Variants in C1QTNF12 observed in about 807,000 individuals in gnomAD.
C1QTNF12 encodes the protein C1q and TNF related 12.
C1QTNF12 carries 39 observed loss-of-function variants against 34.3 expected under a neutral mutation model. That is an observed-to-expected ratio of 1.14 (90% CI 0.88 to 1.49). The LOEUF is 1.49. Among genes scored for constraint, C1QTNF12 ranks in the 40% most tolerant of loss-of-function variants. The probability of loss-of-function intolerance (pLI) is 0.00; values close to 1 mark genes in which losing one functional copy is unlikely to be tolerated. For missense variants in C1QTNF12, 497 were observed against 424.7 expected (o/e 1.17, Z -1.50); for synonymous variants, 220 against 196.9 (o/e 1.12, Z -0.98).
rs1638896313 is a variant in C1QTNF12 at position 1,246,551 on chromosome 1, C to CTG, written c.138_139dup (p.Ser47ThrfsTer28). 1 of 1,239,962 alleles carries CTG rather than the reference C, an allele frequency of 8.1e-7. No individual in the cohort carries two copies. 76.8% of individuals were successfully genotyped at this position (1,239,962 alleles called of 1,614,324 possible). On this transcript the variant is annotated frameshift_variant, in exon 1 of 8. Coordinates refer to ENST00000330388, the MANE Select transcript of C1QTNF12 (RefSeq NM_001014980.3). LOFTEE classifies it high-confidence loss of function. This position sits in a 1 kb window ranked among gnomAD's most constrained non-coding sequence, Gnocchi z 4.5. ...GGGCAGCCCCTCGCGGGAGGACGCG[C>CTG]TGGCGGTGGCGTTGGGGGGATCTGC...
intron 5 of C1QTNF12, 94 bp downstream of exon 5, chr1:1,243,350 C>G: frequency 1.6e-6 from 2 of 1,242,478 alleles, no homozygotes; most frequent in South Asian, 1.4e-5. Flanking sequence ...AGGTCCCTAA[C>G]AGGACCCGCA....
At chr1:1,245,840 G>A (rs554478179) in intron 1 of C1QTNF12, among the ~76,000 whole-genome samples, 4 of 152,312 alleles carry the variant, frequency 2.6e-5, no homozygotes, top group South Asian at 4.1e-4. Flanking sequence ...GGGGATGGGG[G>A]CTGCTCTGGC....
Position 1,246,376 on chromosome 1 carries a change from G to A in C1QTNF12, c.177+138C>T, listed in dbSNP as rs1638891195. 1 of 676,262 alleles carries A rather than the reference G, an allele frequency of 1.5e-6. No individual in the cohort carries two copies. The highest frequency in any genetic ancestry group is 2.1e-6 in the Non-Finnish European group (1 of 482,476). The allele number at this position is 676,262 out of a possible 1,614,324, so 41.9% of individuals were successfully genotyped here. A position where few individuals can be genotyped will look rare whatever the true frequency, so the allele number is the denominator to read the frequency against. On this transcript the variant is annotated intron_variant, in intron 1 of 7. Coordinates refer to ENST00000330388, the MANE Select transcript of C1QTNF12 (RefSeq NM_001014980.3). The surrounding 1 kb of genome is among the most constrained non-coding windows in gnomAD (Gnocchi z 4.5). ...GGCTGGGCTGCAGCAGATTCTCAAGGCGGGACCGTGGCCGAGGCCTCGAAA... is the reference window on the plus strand; with the variant it reads ...GGCTGGGCTGCAGCAGATTCTCAAGACGGGACCGTGGCCGAGGCCTCGAAA...
At position 1,244,106 on chromosome 1, in the gene C1QTNF12, C is replaced by T. The variant is rs530071129; in HGVS notation, c.380-1G>A. 1 of 1,577,162 alleles carries T rather than the reference C, an allele frequency of 6.3e-7. No homozygotes were observed. Among genetic ancestry groups the T allele is most frequent in the South Asian group, 1.2e-5 (1 of 85,416 alleles). ...CCTGAGAACCGGCGCTCCGTGGCCT[C>T]TGTGGGGAGGAGGGCACAGGCGGCC... On this transcript the variant is annotated splice_acceptor_variant, in intron 3 of 7. Coordinates refer to ENST00000330388, the MANE Select transcript of C1QTNF12 (RefSeq NM_001014980.3). LOFTEE classifies it high-confidence loss of function.
Position 1,246,559 on chromosome 1 carries a change from G to A in C1QTNF12, c.132C>T (p.Ala44=). The A allele has an allele frequency of 8.1e-7, 1 of 1,241,780 alleles. No homozygotes were observed. Among genetic ancestry groups the A allele is most frequent in the Non-Finnish European group, 1.0e-6 (1 of 992,784 alleles). 76.9% of individuals were successfully genotyped at this position (1,241,780 alleles called of 1,614,324 possible). Residue 44 remains alanine (A), a synonymous_variant, in exon 1 of 8, where the codon GCC becomes GCT. Coordinates refer to ENST00000330388, the MANE Select transcript of C1QTNF12 (RefSeq NM_001014980.3). The surrounding 1 kb of genome is among the most constrained non-coding windows in gnomAD (Gnocchi z 4.5). ...QPGQRADPPN[A]TASASSREGL... ...CCTCGCGGGAGGACGCGCTGGCGGTGGCGTTGGGGGGATCTGCGCGCTGGC... is the reference window on the plus strand; with the variant it reads ...CCTCGCGGGAGGACGCGCTGGCGGTAGCGTTGGGGGGATCTGCGCGCTGGC...
chr1:1,242,974 TCCAGTGCCCAGAGACC>T, intron 6 of C1QTNF12, 61 bp from the exon 7 acceptor site: 1 of 1,574,044 alleles, frequency 6.4e-7, no homozygotes, highest in South Asian at 1.1e-5. Context: ...CAAGACCTGC[TCCAGTGCCCAGAGACC>T]CCTGTGGCCT....
rs568139852 is a variant in C1QTNF12 at position 1,245,929 on chromosome 1, T to G, written c.177+585A>C. ...CCCTCCAAGACCCCTGGAGAGACCC[T>G]GAGCAGGAGAGAGGAAGCCCAGGGT... On this transcript the variant is annotated intron_variant, in intron 1 of 7. Coordinates refer to ENST00000330388, the MANE Select transcript of C1QTNF12 (RefSeq NM_001014980.3). Among the ~76,000 whole-genome samples, 77 of 152,304 alleles carry G rather than the reference T, an allele frequency of 5.1e-4. 1 individual carries two copies. In the East Asian group the frequency reaches 0.012, roughly 24 times the overall value.
Position 1,242,623 on chromosome 1 carries a change from A to G in C1QTNF12, c.834T>C (p.Phe278=). The change falls in exon 8 of 8, where the codon TTT becomes TTC. Residue 278 remains phenylalanine, a synonymous_variant. Transcript: ENST00000330388. The stretch of plus-strand genomic sequence containing the variant: ...GGACGGCCCCGGAGCCATTGTCCAC[A>G]AACACAGAAGCGTACTGTCCAGCCT... ...QLQAGQYASV[F]VDNGSGAVLT... The G allele has an allele frequency of 6.3e-7, 1 of 1,595,976 alleles. No homozygotes were observed. The highest frequency in any genetic ancestry group is 1.3e-5 in the African/African-American group (1 of 74,774).
intron 7 of C1QTNF12, 54 bp downstream of exon 7, chr1:1,242,781 C>A (rs1299001774): frequency 3.1e-6 from 5 of 1,596,622 alleles, no homozygotes; most frequent in Non-Finnish European, 4.3e-6. Flanking sequence ...AGCTCACACC[C>A]GGCCCAGCCC....
Position 1,243,525 on chromosome 1 carries a change from C to A in C1QTNF12, c.559G>T (p.Gly187Cys). ...CCCGAGGCCAGGCTCAGACCGGAGC[C>A]TCGCAGGAAGGCACCTTGGGCAGCA... is the stretch of plus-strand genomic sequence containing the variant. ...APAAQGAFLR[G>C]SGLSLASGRF... The change falls in exon 5 of 8, where the codon GGC becomes TGC. Residue 187 changes from glycine (G) to cysteine (C), a missense_variant. Coordinates refer to ENST00000330388, the MANE Select transcript of C1QTNF12 (RefSeq NM_001014980.3). 1 of 1,554,492 alleles carries A rather than the reference C, an allele frequency of 6.4e-7. No homozygotes were observed. The highest frequency in any genetic ancestry group is 1.2e-5 in the South Asian group (1 of 84,538).
intron 5 of C1QTNF12, 74 bp from the exon 6 acceptor site, chr1:1,243,226 C>T: frequency 9.2e-7 from 1 of 1,083,616 alleles, no homozygotes; most frequent in South Asian, 1.5e-5. Flanking sequence ...CTTCAGGGCA[C>T]ACATCCCAGG....
chr1:1,242,888 C>A lies in C1QTNF12; in HGVS notation c.757G>T (p.Glu253Ter), dbSNP rs1452768753. ...HTCLEAVSGL[E>*]SNSRVFTLQV... ...AGCGTGAAGACCCTGCTGTTGCTCTCCAGGCCTGAGACGGCCTCCAGGCAC... is the reference window on the plus strand; with the variant it reads ...AGCGTGAAGACCCTGCTGTTGCTCTACAGGCCTGAGACGGCCTCCAGGCAC... Residue 253 changes from glutamate (E) to a stop codon, truncating the protein, a stop_gained, in exon 7 of 8, where the codon GAG becomes TAG. Transcript: ENST00000330388. LOFTEE classifies it high-confidence loss of function. The A allele has an allele frequency of 6.2e-7, 1 of 1,612,364 alleles. No homozygotes were observed. Among genetic ancestry groups the A allele is most frequent in the Non-Finnish European group, 8.5e-7 (1 of 1,179,796 alleles).
chr1:1,243,967 T>C lies in C1QTNF12; in HGVS notation c.518A>G (p.His173Arg), dbSNP rs767025151. 1.7e-5 allele frequency: 28 copies of C among 1,609,264 alleles called. No individual in the cohort carries two copies. The highest frequency in any genetic ancestry group is 2.2e-5 in the Non-Finnish European group (26 of 1,178,566). ...RVDKRTLVEL[H>R]GFQAPAAQGA... ...GGCTCCACTCACAGCCTGGAAACCATGCAGCTCCACCAGCGTCCGCTTGTC... is the reference window on the plus strand; with the variant it reads ...GGCTCCACTCACAGCCTGGAAACCACGCAGCTCCACCAGCGTCCGCTTGTC... The change falls in exon 4 of 8, where the codon CAT becomes CGT. Residue 173 changes from histidine (H) to arginine (R), a missense_variant. Transcript: ENST00000330388.
At chr1:1,247,129 G>A (rs186029380), upstream of C1QTNF12, among the ~76,000 whole-genome samples, 72 of 152,166 alleles carry the variant, frequency 4.7e-4, no homozygotes, top group Admixed American at 1.4e-3. Context: ...TTCCCCAAAG[G>A]TCCACCTCAT....
rs374211737 is a variant in C1QTNF12 at position 1,243,028 on chromosome 1, G to A, written c.731+34C>T. On this transcript the variant is annotated intron_variant, in intron 6 of 7. Coordinates refer to ENST00000330388, the MANE Select transcript of C1QTNF12 (RefSeq NM_001014980.3). Reference sequence around the variant, plus strand: ...GAGCCCCTCCAAGGGTGGTCCGGGGGCTGCCGCCTGGAGCGGGGGCTGAGG... The same window carrying A: ...GAGCCCCTCCAAGGGTGGTCCGGGGACTGCCGCCTGGAGCGGGGGCTGAGG... The A allele has an allele frequency of 3.8e-6, 6 of 1,558,530 alleles. No individual in the cohort carries two copies. In the African/African-American group the frequency reaches 6.8e-5, roughly 18 times the overall value.
intron 4 of C1QTNF12, 114 bp downstream of exon 4, chr1:1,243,840 G>GC (rs1553152553): frequency 2.0e-6 from 1 of 508,068 alleles, no homozygotes; most frequent in Non-Finnish European, 3.3e-6. Context: ...TCCGAGCCCC[G>GC]CCCCCAGCCC....
chr1:1,244,521 C>G, intron 1 of C1QTNF12, 24 bp from the exon 2 acceptor site: 1 of 1,538,768 alleles, frequency 6.5e-7, no homozygotes, highest in Non-Finnish European at 9.0e-7. Context: ...ACGGGGCTAG[C>G]GCACTGAGGC....
Position 1,242,472 on chromosome 1 carries a change from T to C in C1QTNF12, c.*76A>G. 1.8e-6 allele frequency: 2 copies of C among 1,141,988 alleles called. No homozygotes were observed. The highest frequency in any genetic ancestry group is 1.3e-6 in the Non-Finnish European group (1 of 798,428). 70.7% of individuals were successfully genotyped at this position (1,141,988 alleles called of 1,614,324 possible). On this transcript the variant is annotated 3_prime_UTR_variant, in exon 8 of 8. Coordinates refer to ENST00000330388, the MANE Select transcript of C1QTNF12 (RefSeq NM_001014980.3). ...AGTGGGGAGGGTGGAGGGCTCTTTA[T>C]TGTGGTGACCACGGGCATCAGTAGG...
chr1:1,243,319 G>A lies in C1QTNF12; in HGVS notation c.640+125C>T, dbSNP rs558852024. ...GCAGGGACCCCATGCCCAGTCCAAGGCCCCCCATGGGGCAGGGGATAGGTC... is the reference window on the plus strand; with the variant it reads ...GCAGGGACCCCATGCCCAGTCCAAGACCCCCCATGGGGCAGGGGATAGGTC... On this transcript the variant is annotated intron_variant, in intron 5 of 7. Transcript: ENST00000330388. 591 of 1,055,406 alleles carry A rather than the reference G, an allele frequency of 5.6e-4. 1 individual carries two copies. The highest frequency in any genetic ancestry group is 4.1e-4 in the Non-Finnish European group (296 of 723,250). The allele number at this position is 1,055,406 out of a possible 1,614,324, so 65.4% of individuals were successfully genotyped here. A position where few individuals can be genotyped will look rare whatever the true frequency, so the allele number is the denominator to read the frequency against.
Sources: gnomAD v4.1 joint callset for allele counts (sites outside exome capture counted in the v4.1 genomes callset) on GRCh38, gnomAD v4.1.1 for gene constraint, Gnocchi (gnomAD v3.1) non-coding constraint, MANE v1.5 for transcripts, NCBI Gene and HGNC (gene_info 2026-07-23, HGNC 2026-07-21) for gene names.